The following NRG3 variants were observed in gnomAD, a reference collection of about 807,000 sequenced individuals.
The protein encoded by NRG3 is pro-neuregulin-3, membrane-bound isoform.
A neutral mutation model predicts 66.9 loss-of-function variants in NRG3; 31 were observed. That is an observed-to-expected ratio of 0.46 (90% CI 0.35 to 0.63). NRG3 has a LOEUF of 0.63. NRG3 is among the 20% of genes least tolerant of loss of function. The pLI is 0.00. For synonymous variants in NRG3, 393 were observed against 359.4 expected, an observed-to-expected ratio of 1.09 and a Z score of -1.06; for missense variants, 910 against 878.9, an observed-to-expected ratio of 1.04 and a Z score of -0.45.
intron 2 of NRG3, among the ~76,000 whole-genome samples, chr10:82,561,240 T>A (rs2045022100): frequency 1.3e-5 from 2 of 152,224 alleles, no homozygotes; most frequent in Non-Finnish European, 2.9e-5. Flanking sequence ...AATCATTTAC[T>A]TGCACCTTCC....
At chr10:82,276,293 TG>T (rs1158581877) in intron 1 of NRG3, among the ~76,000 whole-genome samples, 3 of 152,044 alleles carry the variant, frequency 2.0e-5, no homozygotes, top group African/African-American at 7.2e-5. Context: ...TCATATATTT[TG>T]CATTTAGTTT....
intron 2 of NRG3, among the ~76,000 whole-genome samples, chr10:82,467,701 T>C (rs936392535): frequency 4.6e-5 from 7 of 152,204 alleles, no homozygotes; most frequent in Non-Finnish European, 8.8e-5. Flanking sequence ...CTGTGACTGA[T>C]GAGCTAAGGC....
intron 1 of NRG3, among the ~76,000 whole-genome samples, chr10:82,031,121 A>T (rs1236125929): frequency 2.0e-5 from 3 of 152,154 alleles, no homozygotes; most frequent in African/African-American, 7.2e-5. Context: ...AGTACCTGTC[A>T]TAGAAGACCC....
chr10:82,914,628 G>T (rs1845657103), intron 4 of NRG3, among the ~76,000 whole-genome samples: 1 of 152,016 alleles, frequency 6.6e-6, no homozygotes, highest in African/African-American at 2.4e-5. Flanking sequence ...TATTGTGTAG[G>T]ATCCCTGTTT....
At chr10:82,299,430 A>T in intron 1 of NRG3, among the ~76,000 whole-genome samples, 1 of 152,162 alleles carries the variant, frequency 6.6e-6, no homozygotes, top group East Asian at 1.9e-4. Context: ...TTTGATGTAG[A>T]AATCTGGCCA....
intron 1 of NRG3, among the ~76,000 whole-genome samples, chr10:81,938,026 C>T (rs1848045924): frequency 6.6e-6 from 1 of 152,002 alleles, no homozygotes; most frequent in Non-Finnish European, 1.5e-5. Flanking sequence ...AGTCTTGACA[C>T]TCTTGTTGAA....
chr10:82,344,936 T>G (rs1447684068), intron 1 of NRG3, among the ~76,000 whole-genome samples: 5 of 114,866 alleles, frequency 4.4e-5, no homozygotes, highest in East Asian at 3.1e-4. Flanking sequence ...TAAATTTGTT[T>G]GAGTTCATTG....
intron 1 of NRG3, among the ~76,000 whole-genome samples, chr10:82,052,110 C>T (rs117274982): frequency 2.0e-5 from 3 of 150,762 alleles, no homozygotes; most frequent in Non-Finnish European, 4.4e-5. Context: ...TAGTTATCCT[C>T]ATAAGCAATG....
intron 2 of NRG3, among the ~76,000 whole-genome samples, chr10:82,722,552 A>G (rs2057374251): frequency 6.6e-6 from 1 of 152,118 alleles, no homozygotes; most frequent in South Asian, 2.1e-4. Flanking sequence ...ATGAAAAGCA[A>G]TCAGTTATGG....
At chr10:82,354,264 C>T (rs2083633653) in intron 1 of NRG3, among the ~76,000 whole-genome samples, 1 of 151,862 alleles carries the variant, frequency 6.6e-6, no homozygotes, top group African/African-American at 2.4e-5. Flanking sequence ...TGGTCACAGA[C>T]TCCTGGGTTC....
intron 2 of NRG3, among the ~76,000 whole-genome samples, chr10:82,683,701 G>A (rs2054287491): frequency 6.6e-6 from 1 of 152,112 alleles, no homozygotes; most frequent in Non-Finnish European, 1.5e-5. Context: ...ATTAGTTTAA[G>A]TTTACTAGCC....
chr10:82,710,446 C>T (rs773295537), intron 2 of NRG3, among the ~76,000 whole-genome samples: 35 of 151,764 alleles, frequency 2.3e-4, no homozygotes, highest in Middle Eastern at 3.2e-3. Flanking sequence ...ATTAGCCAGG[C>T]GTGGTGGCGC....
intron 2 of NRG3, among the ~76,000 whole-genome samples, chr10:82,621,670 C>T (rs2133616217): frequency 6.6e-6 from 1 of 152,246 alleles, no homozygotes; most frequent in South Asian, 2.1e-4. Flanking sequence ...ATTTCATCTT[C>T]CTCATAGACC....
chr10:82,093,716 A>T (rs981971721), intron 1 of NRG3, among the ~76,000 whole-genome samples: 1 of 152,168 alleles, frequency 6.6e-6, no homozygotes, highest in Non-Finnish European at 1.5e-5. Context: ...TCTTCTCTCT[A>T]AGCTTTAGGC....
intron 1 of NRG3, among the ~76,000 whole-genome samples, chr10:82,349,721 C>G (rs905292661): frequency 6.6e-6 from 1 of 152,088 alleles, no homozygotes; most frequent in Non-Finnish European, 1.5e-5. Context: ...AGGGAGACTC[C>G]GTGGGCGTAG....
chr10:82,322,686 T>A (rs1349191328), intron 1 of NRG3, among the ~76,000 whole-genome samples: 1 of 152,228 alleles, frequency 6.6e-6, no homozygotes, highest in Non-Finnish European at 1.5e-5. Flanking sequence ...TATTAATCTT[T>A]GAGAATCTTT....
At chr10:81,906,352 G>T (rs1328667214) in intron 1 of NRG3, among the ~76,000 whole-genome samples, 5 of 152,238 alleles carry the variant, frequency 3.3e-5, no homozygotes, top group African/African-American at 1.2e-4. Context: ...AATCACAATT[G>T]TTATTTCAAT....
chr10:82,660,130 A>G (rs1048343345), intron 2 of NRG3, among the ~76,000 whole-genome samples: 7 of 132,470 alleles, frequency 5.3e-5, no homozygotes, highest in Admixed American at 1.7e-4. Flanking sequence ...TGGGAGGCGG[A>G]GGTTGCAGTG....
At chr10:82,222,351 CAGG>C (rs139444140) in intron 1 of NRG3, among the ~76,000 whole-genome samples, 15,380 of 151,914 alleles carry the variant, frequency 0.1, 815 homozygotes, top group Middle Eastern at 0.18. Flanking sequence ...GATGAGAACT[CAGG>C]AGAAGTGTAA....
Sources: allele counts gnomAD v4.1 joint callset (sites outside exome capture counted in the v4.1 genomes callset), GRCh38; gene constraint gnomAD v4.1.1; transcripts MANE v1.5; gene names NCBI Gene and HGNC (gene_info 2026-07-23, HGNC 2026-07-21).